The following RAD51B variants were observed in gnomAD, a reference collection of about 807,000 sequenced individuals.
RAD51B encodes the protein DNA repair protein RAD51 homolog 2.
A neutral mutation model predicts 42.2 loss-of-function variants in RAD51B; 38 were observed. That is an observed-to-expected ratio of 0.90 (90% CI 0.70 to 1.18). The LOEUF (loss-of-function observed/expected upper bound fraction) is 1.18, where lower values mean the gene tolerates loss of function less well. Among genes scored for constraint, RAD51B ranks in the 50% most tolerant of loss-of-function variants. The pLI, the probability that RAD51B is intolerant of heterozygous loss-of-function variation, is 0.00. For missense variants in RAD51B, 373 were observed against 400.7 expected, an observed-to-expected ratio of 0.93 and a Z score of 0.59; for synonymous variants, 154 against 145.2, an observed-to-expected ratio of 1.06 and a Z score of -0.43.
intron 10 of RAD51B, among the ~76,000 whole-genome samples, chr14:68,554,330 C>T (rs1379773187): frequency 1.3e-5 from 2 of 152,202 alleles, no homozygotes; most frequent in African/African-American, 4.8e-5. Flanking sequence ...ACAGGAAAAG[C>T]CAGTTCTTCC....
At chr14:68,062,298 G>C (rs1595343820) in intron 7 of RAD51B, among the ~76,000 whole-genome samples, 1 of 152,164 alleles carries the variant, frequency 6.6e-6, no homozygotes, top group African/African-American at 2.4e-5. Flanking sequence ...TAATTTGTTA[G>C]TGTTTTATTG....
chr14:68,468,038 GT>G (rs74865050), intron 9 of RAD51B, 133 bp from the exon 10 acceptor site: 33,213 of 540,338 alleles, frequency 0.061, 1 homozygote, highest in East Asian at 0.074. Flanking sequence ...TTATAAAATG[GT>G]TTTTTTTTTT....
At chr14:68,215,413 C>G (rs2079794059) in intron 7 of RAD51B, among the ~76,000 whole-genome samples, 1 of 152,188 alleles carries the variant, frequency 6.6e-6, no homozygotes, top group African/African-American at 2.4e-5. Context: ...GAGAATGGAA[C>G]TCAGAGAGTG....
At chr14:68,095,296 T>TA (rs35832065) in intron 7 of RAD51B, among the ~76,000 whole-genome samples, 70 of 145,624 alleles carry the variant, frequency 4.8e-4, no homozygotes, top group East Asian at 7.9e-4. Flanking sequence ...GAAAGAGGGT[T>TA]AAAAAAAAAA....
chr14:68,596,358 C>T (rs17829281), downstream of RAD51B, among the ~76,000 whole-genome samples: 18,883 of 152,016 alleles, frequency 0.12, 1,323 homozygotes, highest in Middle Eastern at 0.16. Flanking sequence ...GACAGCTGCT[C>T]GGTGGGTTTT....
chr14:67,891,518 A>G (rs1371580640), intron 7 of RAD51B, among the ~76,000 whole-genome samples: 2 of 152,160 alleles, frequency 1.3e-5, no homozygotes, highest in Non-Finnish European at 2.9e-5. Context: ...TTAAATCATT[A>G]ACAAATGGAA....
intron 7 of RAD51B, among the ~76,000 whole-genome samples, chr14:68,122,965 AC>A (rs2077679274): frequency 1.3e-5 from 2 of 151,756 alleles, no homozygotes; most frequent in South Asian, 4.2e-4. Context: ...AAACAAACAC[AC>A]ACACACACAC....
chr14:68,143,020 TG>T (rs201144629), intron 7 of RAD51B, among the ~76,000 whole-genome samples: 12 of 121,052 alleles, frequency 9.9e-5, no homozygotes, highest in South Asian at 2.5e-4. Flanking sequence ...GGCGAGGGGG[TG>T]GGGGGGGAGT....
intron 4 of RAD51B, among the ~76,000 whole-genome samples, chr14:67,861,785 G>A (rs903567996): frequency 2.6e-5 from 4 of 152,082 alleles, no homozygotes; most frequent in Admixed American, 2.0e-4. Context: ...AAATGTAACT[G>A]CCTTTTCTAA....
At chr14:68,191,589 G>C in intron 7 of RAD51B, among the ~76,000 whole-genome samples, 1 of 152,192 alleles carries the variant, frequency 6.6e-6, no homozygotes, top group East Asian at 1.9e-4. Flanking sequence ...TAGGGAAGGA[G>C]ATAATGGAAG....
chr14:68,542,855 A>C (rs894344835), intron 10 of RAD51B, among the ~76,000 whole-genome samples: 41 of 152,288 alleles, frequency 2.7e-4, no homozygotes, highest in African/African-American at 9.9e-4. Context: ...GTCCAAACTC[A>C]GCCCATCTTT....
At chr14:68,668,437 G>A (rs1336324984) in intron 11 of RAD51B, among the ~76,000 whole-genome samples, 15 of 152,182 alleles carry the variant, frequency 9.9e-5, no homozygotes, top group East Asian at 1.9e-4. Context: ...CTCCCCTGCC[G>A]TTAGGTGGAG....
chr14:68,115,237 C>T (rs1230943038), intron 7 of RAD51B, among the ~76,000 whole-genome samples: 1 of 136,542 alleles, frequency 7.3e-6, no homozygotes, highest in Non-Finnish European at 1.5e-5. Flanking sequence ...GAGTTCGTGT[C>T]CTTTGTAGGG....
chr14:68,072,133 AATTATATATAT>A (rs2076760299), intron 7 of RAD51B, among the ~76,000 whole-genome samples: 1 of 135,492 alleles, frequency 7.4e-6, no homozygotes, highest in Non-Finnish European at 1.5e-5. Context: ...ATATATATAT[AATTATATATAT>A]ATTTTATATA....
intron 10 of RAD51B, among the ~76,000 whole-genome samples, chr14:68,548,730 G>C (rs750802154): frequency 6.6e-6 from 1 of 152,166 alleles, no homozygotes; most frequent in Non-Finnish European, 1.5e-5. Flanking sequence ...CAGGGTGGGC[G>C]TCCTGACACT....
At chr14:68,062,426 ATTCCC>A (rs1236064499) in intron 7 of RAD51B, among the ~76,000 whole-genome samples, 1 of 152,178 alleles carries the variant, frequency 6.6e-6, no homozygotes, top group African/African-American at 2.4e-5. Context: ...GTTTTAAAGA[ATTCCC>A]TTCCCTTCAA....
At chr14:68,366,707 GTAAA>G (rs2083150003) in intron 8 of RAD51B, among the ~76,000 whole-genome samples, 1 of 152,190 alleles carries the variant, frequency 6.6e-6, no homozygotes, top group African/African-American at 2.4e-5. Context: ...TTGGGAACTG[GTAAA>G]TAAATAACAG....
intron 4 of RAD51B, among the ~76,000 whole-genome samples, chr14:67,857,168 A>G (rs966084937): frequency 1.3e-5 from 2 of 152,206 alleles, no homozygotes; most frequent in Non-Finnish European, 2.9e-5. Context: ...AAAAAATGAA[A>G]TGTAACTCCA....
At chr14:68,669,298 C>T (rs557141865) in intron 11 of RAD51B, among the ~76,000 whole-genome samples, 12 of 152,174 alleles carry the variant, frequency 7.9e-5, no homozygotes, top group African/African-American at 2.7e-4. Context: ...AATATGTAGG[C>T]CCCCTGAGGC....
Sources: allele counts gnomAD v4.1 joint callset (sites outside exome capture counted in the v4.1 genomes callset), GRCh38; gene constraint gnomAD v4.1.1; transcripts MANE v1.5; gene names NCBI Gene and HGNC (gene_info 2026-07-23, HGNC 2026-07-21).